MTSS1: variants seen among roughly 807,000 people sequenced by gnomAD.
The protein encoded by MTSS1 is MTSS I-BAR domain containing 1.
A neutral mutation model predicts 79.0 loss-of-function variants in MTSS1; 18 were observed. The observed-to-expected ratio is 0.23, with a 90% CI of 0.16 to 0.34. The LOEUF (loss-of-function observed/expected upper bound fraction) is 0.34. Ranked by LOEUF, MTSS1 falls within the 10% of genes least tolerant of loss-of-function variation. The probability of loss-of-function intolerance (pLI) is 1.00; values close to 1 mark genes in which losing one functional copy is unlikely to be tolerated. For missense variants in MTSS1, 815 were observed against 986.2 expected (o/e 0.83, Z 2.33); for synonymous variants, 341 against 368.6 (o/e 0.93, Z 0.86).
chr8:124,603,428 T>C (rs562979652), intron 3 of MTSS1, among the ~76,000 whole-genome samples: 6 of 152,374 alleles, frequency 3.9e-5, no homozygotes, highest in African/African-American at 1.2e-4. Flanking sequence ...ATCCTTGTTC[T>C]TTAAGCTGCA....
chr8:124,624,316 C>T (rs1213771081), intron 3 of MTSS1, among the ~76,000 whole-genome samples: 2 of 152,136 alleles, frequency 1.3e-5, no homozygotes, highest in Non-Finnish European at 1.5e-5. Flanking sequence ...AGAGTGCACC[C>T]GCTTTCTGAG....
Position 124,567,128 on chromosome 8 carries a change from C to T in MTSS1, c.669G>A (p.Ser223=), listed in dbSNP as rs368893471. The T allele has an allele frequency of 1.0e-4, 164 of 1,614,116 alleles. No homozygotes were observed. Among genetic ancestry groups the T allele is most frequent in the African/African-American group, 1.5e-4 (11 of 75,036 alleles). The change falls in exon 8 of 14, where the codon TCG becomes TCA. Residue 223 remains serine, a synonymous_variant. Transcript: ENST00000518547. The part of the protein sequence containing the change: ...LGEITHLQTI[S]EDLKSLTMDP... The stretch of plus-strand genomic sequence containing the variant: ...CCATGGTCAGGCTTTTTAGATCTTC[C>T]GAGATGGTCTGAAGGTGGGTTATTT...
chr8:124,719,265 G>A (rs1214459955), intron 1 of MTSS1, among the ~76,000 whole-genome samples: 3 of 152,292 alleles, frequency 2.0e-5, no homozygotes, highest in South Asian at 2.1e-4. Flanking sequence ...AGACTACCTC[G>A]CTGGGTGGTT....
At chr8:124,653,707 G>A (rs1820427470) in intron 3 of MTSS1, among the ~76,000 whole-genome samples, 1 of 151,626 alleles carries the variant, frequency 6.6e-6, no homozygotes, top group Non-Finnish European at 1.5e-5. Context: ...CTGGGCAACA[G>A]AGCAAGACTC....
rs1834022237 is a variant in MTSS1, at chr8:124,728,292, G to C, written c.-337C>G. On this transcript the variant is annotated 5_prime_UTR_variant, in exon 1 of 14. Transcript: ENST00000518547. The surrounding 1 kb of genome is among the most constrained non-coding windows in gnomAD (Gnocchi z 6.1). Reference sequence around the variant, plus strand: ...CATCTTGATGCAGAGAAAATCGCCCGCTGACCCGGGGCCAGCGCCATTGAA... The same window carrying C: ...CATCTTGATGCAGAGAAAATCGCCCCCTGACCCGGGGCCAGCGCCATTGAA... 4.6e-6 allele frequency: 1 copy of C among 217,164 alleles called. No homozygotes were observed. The highest frequency in any genetic ancestry group is 9.5e-5 in the East Asian group (1 of 10,478). 13.5% of individuals were successfully genotyped at this position (217,164 alleles called of 1,614,324 possible).
At chr8:124,658,484 C>T (rs1421274741) in intron 3 of MTSS1, among the ~76,000 whole-genome samples, 1 of 152,138 alleles carries the variant, frequency 6.6e-6, no homozygotes, top group Non-Finnish European at 1.5e-5. Flanking sequence ...TGTCTTTTAT[C>T]AGCAGCATGA....
Position 124,553,064 on chromosome 8 carries a change from C to G in MTSS1, c.2196G>C (p.Leu732=), listed in dbSNP as rs1822796744. 6.2e-7 allele frequency: 1 copy of G among 1,614,034 alleles called. No individual in the cohort carries two copies. The highest frequency in any genetic ancestry group is 2.2e-5 in the East Asian group (1 of 44,904). The change falls in exon 14 of 14, where the codon CTG becomes CTC. Residue 732 remains leucine (L), a synonymous_variant. Coordinates refer to ENST00000518547, the MANE Select transcript of MTSS1 (RefSeq NM_014751.6). The surrounding 1 kb of genome is among the most constrained non-coding windows in gnomAD (Gnocchi z 6.0). ...GTTTCACGCCCCTTCGGATGGCGTT[C>G]AGCATGTCTTCTCCTTGTGGAGTAT... is the stretch of plus-strand genomic sequence containing the variant. The part of the protein sequence containing the change: ...PRDTPQGEDM[L]NAIRRGVKLK...
At chr8:124,668,038 T>C (rs1352191614) in intron 3 of MTSS1, among the ~76,000 whole-genome samples, 1 of 150,646 alleles carries the variant, frequency 6.6e-6, no homozygotes, top group East Asian at 2.0e-4. Flanking sequence ...CAGTGAGCCA[T>C]GATCGCGCCA....
chr8:124,564,719 A>ACACACACACACACACACACC (rs1826028719), intron 9 of MTSS1: 5 of 151,830 alleles, frequency 3.3e-5, no homozygotes, highest in African/African-American at 4.8e-5. Context: ...ACACACACAC[A>ACACACACACACACACACACC]GTCGACAGAA....
At chr8:124,558,931 G>T (rs1224734831) in intron 10 of MTSS1, 2 of 1,410,076 alleles carry the variant, frequency 1.4e-6, no homozygotes, top group Non-Finnish European at 1.9e-6. Context: ...TGGGAGTGGG[G>T]AAGGGCACAC....
At chr8:124,667,116 C>G (rs1283737416) in intron 3 of MTSS1, among the ~76,000 whole-genome samples, 3 of 152,084 alleles carry the variant, frequency 2.0e-5, no homozygotes, top group African/African-American at 7.2e-5. Context: ...CTGGGTTTCC[C>G]CCCATCTTAG....
rs141369773 is a variant in MTSS1, at chr8:124,706,451, G to A, written c.73-2260C>T. Among the ~76,000 whole-genome samples, 128 of 152,328 alleles carry A rather than the reference G, an allele frequency of 8.4e-4. No individual in the cohort carries two copies. In the East Asian group the frequency reaches 0.011, roughly 14 times the overall value. ...AGCACCATGAATTTACAATCCACCCGAACTCTAAAGTCTGTTTCACGCATG... is the reference window on the plus strand; with the variant it reads ...AGCACCATGAATTTACAATCCACCCAAACTCTAAAGTCTGTTTCACGCATG... On this transcript the variant is annotated intron_variant, in intron 1 of 13. Coordinates refer to ENST00000518547, the MANE Select transcript of MTSS1 (RefSeq NM_014751.6).
At chr8:124,723,439 T>C (rs1290938346) in intron 1 of MTSS1, among the ~76,000 whole-genome samples, 2 of 152,108 alleles carry the variant, frequency 1.3e-5, no homozygotes, top group Non-Finnish European at 2.9e-5. Context: ...TTTCAGAACA[T>C]AAAGGTTCAC....
chr8:124,578,992 C>T (rs1237469465), intron 6 of MTSS1, among the ~76,000 whole-genome samples: 1 of 152,054 alleles, frequency 6.6e-6, no homozygotes, highest in African/African-American at 2.4e-5. Context: ...TGTATTTATA[C>T]CCAAATTCAC....
intron 3 of MTSS1, among the ~76,000 whole-genome samples, chr8:124,696,875 T>G (rs968879159): frequency 6.7e-6 from 1 of 150,096 alleles, no homozygotes; most frequent in East Asian, 2.0e-4. Flanking sequence ...GAAAAAAAAA[T>G]GTCAAAGCAG....
At chr8:124,570,903 C>T (rs1181591869) in intron 6 of MTSS1, among the ~76,000 whole-genome samples, 4 of 152,040 alleles carry the variant, frequency 2.6e-5, no homozygotes, top group Non-Finnish European at 5.9e-5. Context: ...GAACTCCTGG[C>T]CTCAAGTGAT....
intron 5 of MTSS1, among the ~76,000 whole-genome samples, chr8:124,586,123 T>G (rs1563802015): frequency 6.6e-6 from 1 of 152,196 alleles, no homozygotes; most frequent in Non-Finnish European, 1.5e-5. Flanking sequence ...CATAGACACC[T>G]GGGATGATGG....
rs1294671901 is a variant in MTSS1, at chr8:124,551,955, T to A, written c.*1037A>T. On this transcript the variant is annotated 3_prime_UTR_variant, in exon 14 of 14. Transcript: ENST00000518547. ...CTACCCTTGTCAAATCTGTTCGAGTTTTTTCAAAATACTTGGGCTTTTTAA... is the reference window on the plus strand; with the variant it reads ...CTACCCTTGTCAAATCTGTTCGAGTATTTTCAAAATACTTGGGCTTTTTAA... 6.6e-6 allele frequency: 1 copy of A among 152,568 alleles called. No individual in the cohort carries two copies. Among genetic ancestry groups the A allele is most frequent in the Non-Finnish European group, 1.5e-5 (1 of 68,018 alleles). The allele number at this position is 152,568 out of a possible 1,614,324, so 9.5% of individuals were successfully genotyped here.
intron 3 of MTSS1, among the ~76,000 whole-genome samples, chr8:124,681,507 G>A (rs1826121249): frequency 6.6e-6 from 1 of 152,220 alleles, no homozygotes; most frequent in African/African-American, 2.4e-5. Flanking sequence ...CTGCCTCCTG[G>A]CTGGGCGCAG....
Sources: gnomAD v4.1 joint callset for allele counts (sites outside exome capture counted in the v4.1 genomes callset) on GRCh38, gnomAD v4.1.1 for gene constraint, Gnocchi (gnomAD v3.1) non-coding constraint, MANE v1.5 for transcripts, NCBI Gene and HGNC (gene_info 2026-07-23, HGNC 2026-07-21) for gene names.